Variants in POU2F1 observed in about 807,000 individuals in gnomAD.
POU2F1 encodes POU domain, class 2, transcription factor 1.
POU2F1 carries 16 observed loss-of-function variants against 84.9 expected under a neutral mutation model. The observed-to-expected ratio is 0.19, with a 90% CI of 0.13 to 0.29. The LOEUF (loss-of-function observed/expected upper bound fraction) is 0.29, where lower values mean the gene tolerates loss of function less well. Among genes scored for constraint, POU2F1 ranks in the 10% least tolerant of loss-of-function variants. The pLI, the probability that POU2F1 is intolerant of heterozygous loss-of-function variation, is 1.00. For missense variants in POU2F1, 738 were observed against 942.6 expected (o/e 0.78, Z 2.84); for synonymous variants, 368 against 368.3 (o/e 1.00, Z 0.01).
intron 1 of POU2F1, among the ~76,000 whole-genome samples, chr1:167,331,078 G>A (rs910475123): frequency 6.6e-6 from 1 of 151,924 alleles, no homozygotes; most frequent in African/African-American, 2.4e-5. Context: ...AATTTCTCTG[G>A]ACAGTGAGAA....
At chr1:167,414,961 G>A (rs1650204599) in intron 15 of POU2F1, among the ~76,000 whole-genome samples, 1 of 152,172 alleles carries the variant, frequency 6.6e-6, no homozygotes, top group African/African-American at 2.4e-5. Flanking sequence ...CCACATTGTG[G>A]TGGCGTGGTT....
Position 167,392,342 on chromosome 1 carries a change from C to A in POU2F1, c.987+2581C>A, listed in dbSNP as rs1369487429. On this transcript the variant is annotated intron_variant, in intron 9 of 15. Transcript: ENST00000367866. ...ACACCAGCTTTGGGGGTGACAGAGC[C>A]AGACTCTGTCTCAAAAAAAAAAAAA... Among the ~76,000 whole-genome samples, 10 of 145,066 alleles carry A rather than the reference C, an allele frequency of 6.9e-5. 1 individual carries two copies. In the South Asian group the frequency reaches 1.8e-3, roughly 26 times the overall value.
chr1:167,385,044 A>G (rs74618297), intron 8 of POU2F1, among the ~76,000 whole-genome samples: 3,869 of 152,202 alleles, frequency 0.025, 160 homozygotes, highest in African/African-American at 0.086. Flanking sequence ...TTACATTTCT[A>G]TACACTAGCA....
chr1:167,358,153 T>C (rs1659098260), intron 2 of POU2F1, among the ~76,000 whole-genome samples: 1 of 122,326 alleles, frequency 8.2e-6, no homozygotes, highest in African/African-American at 3.4e-5. Flanking sequence ...TTTGAGACGG[T>C]GTTTCGCTCT....
rs148486444 is a variant in POU2F1, at chr1:167,267,026, T to C, written c.61+46068T>C. Reference sequence around the variant, plus strand: ...GTGCTGTTTCTTGGAGGTTTGTTTGTAAAGTGGAAAAATTAGAAACAACCC... The same window carrying C: ...GTGCTGTTTCTTGGAGGTTTGTTTGCAAAGTGGAAAAATTAGAAACAACCC... On this transcript the variant is annotated intron_variant, in intron 1 of 15. Transcript: ENST00000367866. 4.2e-3 allele frequency among the ~76,000 whole-genome samples: 637 copies of C among 152,268 alleles called. 11 individuals are homozygous for C. Among genetic ancestry groups the C allele is most frequent in the African/African-American group, 0.015 (617 of 41,542 alleles).
At chr1:167,220,979 C>A in intron 1 of POU2F1, 21 bp downstream of exon 1, 1 of 1,528,308 alleles carries the variant, frequency 6.5e-7, no homozygotes, top group African/African-American at 1.4e-5. Context: ...CAGCATTTTA[C>A]ATATTCATAT....
At chr1:167,346,464 C>T (rs1006391017) in intron 2 of POU2F1, among the ~76,000 whole-genome samples, 28 of 152,168 alleles carry the variant, frequency 1.8e-4, no homozygotes, top group Non-Finnish European at 4.0e-4. Flanking sequence ...AGCCCCCAAC[C>T]TTTTTGGCCC....
At chr1:167,338,204 A>G (rs1055399853) in intron 2 of POU2F1, 9 of 467,690 alleles carry the variant, frequency 1.9e-5, no homozygotes, top group Admixed American at 7.0e-5. Context: ...CAGCCTACTC[A>G]GCATGAAGAC....
At chr1:167,294,861 C>T (rs377598584) in intron 1 of POU2F1, among the ~76,000 whole-genome samples, 10 of 151,948 alleles carry the variant, frequency 6.6e-5, no homozygotes, top group South Asian at 2.1e-4. Context: ...AGGCTGGGCA[C>T]GGTGGCTCAC....
chr1:167,386,753 C>G (rs1291653687), intron 8 of POU2F1, among the ~76,000 whole-genome samples: 1 of 152,132 alleles, frequency 6.6e-6, no homozygotes, highest in East Asian at 1.9e-4. Context: ...AAGCATTATA[C>G]TACATGAAAG....
chr1:167,414,270 C>G, intron 15 of POU2F1: 17 of 955,664 alleles, frequency 1.8e-5, no homozygotes, highest in Non-Finnish European at 2.1e-5. Context: ...ATCACTTTTT[C>G]TTCTGCTTTA....
intron 1 of POU2F1, among the ~76,000 whole-genome samples, chr1:167,322,228 C>A (rs193234379): frequency 1.3e-4 from 20 of 152,252 alleles, no homozygotes; most frequent in Admixed American, 5.2e-4. Context: ...TCCTCCTGTT[C>A]GTGTAGTTTC....
At chr1:167,267,705 G>C (rs779662623) in intron 1 of POU2F1, among the ~76,000 whole-genome samples, 45 of 139,978 alleles carry the variant, frequency 3.2e-4, no homozygotes, top group Non-Finnish European at 5.7e-4. Context: ...GCAGTGGTGC[G>C]ATCTTGACTC....
chr1:167,388,475 A>C (rs2101890461), intron 8 of POU2F1, among the ~76,000 whole-genome samples: 1 of 152,318 alleles, frequency 6.6e-6, no homozygotes, highest in Admixed American at 6.5e-5. Flanking sequence ...AAAATAACTA[A>C]TATGCATAAA....
At chr1:167,267,470 A>G (rs919171297) in intron 1 of POU2F1, among the ~76,000 whole-genome samples, 1 of 152,054 alleles carries the variant, frequency 6.6e-6, no homozygotes, top group African/African-American at 2.4e-5. Context: ...AGTCCTTTGT[A>G]TTAGTACATA....
intron 1 of POU2F1, among the ~76,000 whole-genome samples, chr1:167,305,191 A>T (rs79389705): frequency 3.5e-5 from 5 of 142,776 alleles, no homozygotes; most frequent in Middle Eastern, 3.6e-3. Context: ...AATGTAGGCA[A>T]TTTTTTTTTT....
At chr1:167,401,883 C>T (rs1219593613) in intron 13 of POU2F1, among the ~76,000 whole-genome samples, 11 of 152,188 alleles carry the variant, frequency 7.2e-5, no homozygotes, top group Non-Finnish European at 1.5e-5. Context: ...ATGGAAATGT[C>T]CATCTTAGCC....
chr1:167,349,111 C>T (rs1026904602), intron 2 of POU2F1, among the ~76,000 whole-genome samples: 3 of 152,042 alleles, frequency 2.0e-5, no homozygotes, highest in South Asian at 4.1e-4. Flanking sequence ...TATTTTTTAA[C>T]GTGGCCACGG....
chr1:167,220,920 G>A lies in POU2F1; in HGVS notation c.23G>A (p.Ser8Asn). 6.5e-7 allele frequency: 1 copy of A among 1,535,342 alleles called. No individual in the cohort carries two copies. The highest frequency in any genetic ancestry group is 1.8e-4 in the Middle Eastern group (1 of 5,496). Residue 8 changes from serine (S) to asparagine (N), a missense_variant, in exon 1 of 16, where the codon AGT (serine) becomes AAT (asparagine). Around this residue, in one of 4 missense-constraint regions of POU2F1, gnomAD observed 161 missense variants for 147.0 expected, o/e 1.10. Transcript: ENST00000367866. MADGGAA[S>N]QDESSAAAAA... The stretch of plus-strand genomic sequence containing the variant: ...AAAATGGCGGACGGAGGAGCAGCGA[G>A]TCAAGATGAGAGTTCAGCCGCGGCG...
Sources: allele counts gnomAD v4.1 joint callset (sites outside exome capture counted in the v4.1 genomes callset), GRCh38; gene constraint gnomAD v4.1.1; regional missense constraint gnomAD v4.1.1; transcripts MANE v1.5; gene names NCBI Gene and HGNC (gene_info 2026-07-23, HGNC 2026-07-21).